Variants in C17orf75 observed in about 807,000 individuals in gnomAD.
The protein encoded by C17orf75 is chromosome 17 open reading frame 75.
Under a neutral mutation model 49.6 loss-of-function variants are expected in C17orf75, and 32 were observed. That is an observed-to-expected ratio of 0.65 (90% confidence interval 0.49 to 0.87). C17orf75 has a LOEUF of 0.87. C17orf75 is among the 40% of genes least tolerant of loss of function. The pLI, the probability that C17orf75 is intolerant of heterozygous loss-of-function variation, is 0.00. For missense variants in C17orf75, 428 were observed against 473.9 expected (o/e 0.90, Z 0.90); for synonymous variants, 158 against 159.5 (o/e 0.99, Z 0.07).
chr17:32,342,757 G>C (rs1229357913), upstream of C17orf75, among the ~76,000 whole-genome samples: 2 of 152,170 alleles, frequency 1.3e-5, no homozygotes. Flanking sequence ...GCAACATGGT[G>C]AAACTGTGTC....
chr17:32,340,503 G>A (rs888623043), intron 2 of C17orf75, among the ~76,000 whole-genome samples: 7 of 151,974 alleles, frequency 4.6e-5, no homozygotes, highest in Non-Finnish European at 7.4e-5. Context: ...AAATTAGCCG[G>A]GCGTGGTGGT....
chr17:32,349,452 G>A (rs1445722691), intron 1 of C17orf75, among the ~76,000 whole-genome samples: 1 of 151,980 alleles, frequency 6.6e-6, no homozygotes, highest in African/African-American at 2.4e-5. Flanking sequence ...TTGGTGGCGC[G>A]GGCCTGCAGT....
intron 1 of C17orf75, among the ~76,000 whole-genome samples, chr17:32,348,458 G>A (rs1478926552): frequency 6.6e-6 from 1 of 152,126 alleles, no homozygotes. Context: ...TCCTACCCCA[G>A]AGGCTGAGAC....
chr17:32,335,534 G>A, intron 5 of C17orf75, 92 bp from the exon 6 acceptor site: 1 of 1,437,970 alleles, frequency 7.0e-7, no homozygotes, highest in Non-Finnish European at 9.4e-7. Flanking sequence ...TGGTGAAAAA[G>A]ACCAGGATAG....
At position 32,331,158 on chromosome 17, in the gene C17orf75, A is replaced by G. The variant is rs1241704616; in HGVS notation, c.*605T>C. ...CCACTGCGCCCAGCTCAAAGATAAT[A>G]TTTTATCTTGAAGCTAGTGCATCGA... On this transcript the variant is annotated 3_prime_UTR_variant, in exon 10 of 10. Coordinates refer to ENST00000577809, the MANE Select transcript of C17orf75 (RefSeq NM_022344.4). 1 of 152,418 alleles carries G rather than the reference A, an allele frequency of 6.6e-6. No homozygotes were observed. The highest frequency in any genetic ancestry group is 2.4e-5 in the African/African-American group (1 of 41,422). The allele number at this position is 152,418 out of a possible 1,614,324, so 9.4% of individuals were successfully genotyped here.
upstream of C17orf75, chr17:32,342,197 AG>A: frequency 6.9e-7 from 1 of 1,457,078 alleles, no homozygotes. Context: ...GCTCCCGTGC[AG>A]CCGTCGGTAT....
intron 8 of C17orf75, among the ~76,000 whole-genome samples, chr17:32,334,022 T>C (rs1284906494): frequency 1.3e-5 from 2 of 152,252 alleles, no homozygotes; most frequent in Non-Finnish European, 2.9e-5. Flanking sequence ...TTAAAACTTT[T>C]ATGTATTTTT....
At chr17:32,337,774 C>T in intron 5 of C17orf75, 123 bp downstream of exon 5, 2 of 731,744 alleles carry the variant, frequency 2.7e-6, no homozygotes, top group Admixed American at 2.9e-5. Flanking sequence ...TCATATTGAC[C>T]AGGCTGGTCT....
At chr17:32,335,225 G>C (rs945754168) in intron 6 of C17orf75, 98 bp downstream of exon 6, 2 of 1,389,754 alleles carry the variant, frequency 1.4e-6, no homozygotes, top group East Asian at 4.6e-5. Flanking sequence ...TGAATATTTG[G>C]GGAGGGATGG....
chr17:32,348,865 G>GTATTTTTTTTT (rs1567807385), intron 1 of C17orf75, among the ~76,000 whole-genome samples: 1 of 49,506 alleles, frequency 2.0e-5, no homozygotes, highest in African/African-American at 9.9e-5. Flanking sequence ...GACAGCTCCA[G>GTATTTTTTTTT]TCTTTTTTTT....
chr17:32,334,986 C>T, intron 6 of C17orf75, 147 bp from the exon 7 acceptor site: 3 of 689,768 alleles, frequency 4.3e-6, no homozygotes, highest in Non-Finnish European at 7.0e-6. Flanking sequence ...CCTTGTTCAG[C>T]CACTGCTCAT....
chr17:32,338,392 C>T, intron 3 of C17orf75, 41 bp from the exon 4 acceptor site: 1 of 1,572,780 alleles, frequency 6.4e-7, no homozygotes, highest in Non-Finnish European at 8.6e-7. Context: ...ATTTTGGTTA[C>T]TCATGCATCT....
At chr17:32,345,686 C>T (rs766435833), upstream of C17orf75, among the ~76,000 whole-genome samples, 1 of 151,934 alleles carries the variant, frequency 6.6e-6, no homozygotes, top group East Asian at 1.9e-4. Context: ...AAGAATTAGG[C>T]GGGCGTGGTG....
upstream of C17orf75, among the ~76,000 whole-genome samples, chr17:32,344,339 TG>T (rs1316019144): frequency 3.9e-5 from 6 of 152,140 alleles, no homozygotes; most frequent in Admixed American, 3.9e-4. Flanking sequence ...ATACAGTGGC[TG>T]GGTGTGGTGG....
chr17:32,343,469 C>G (rs988850263), upstream of C17orf75: 5 of 235,806 alleles, frequency 2.1e-5, no homozygotes, highest in Non-Finnish European at 4.0e-5. Flanking sequence ...CAGTTGAGAT[C>G]GTTAAATCCC....
Position 32,331,779 on chromosome 17 carries a change from A to G in C17orf75, c.1175T>C (p.Leu392Pro). ...AACATATGATCAAAAACTTTGGTCAAGAGCTTCTTTCATGAATTCTTCAAG... is the reference window on the plus strand; with the variant it reads ...AACATATGATCAAAAACTTTGGTCAGGAGCTTCTTTCATGAATTCTTCAAG... ...AVLEEFMKEALDQSF is the reference protein window; with the variant it reads ...AVLEEFMKEAPDQSF The change falls in exon 10 of 10, where the codon CTT (leucine) becomes CCT (proline). Residue 392 changes from leucine to proline, a missense_variant. Physicochemically the swap from Leu to Pro is moderately conservative, Grantham distance 98. Coordinates refer to ENST00000577809, the MANE Select transcript of C17orf75 (RefSeq NM_022344.4). 6.2e-7 allele frequency: 1 copy of G among 1,613,534 alleles called. No individual in the cohort carries two copies. The highest frequency in any genetic ancestry group is 8.5e-7 in the Non-Finnish European group (1 of 1,179,530).
chr17:32,338,003 C>T, intron 4 of C17orf75, 49 bp from the exon 5 acceptor site: 1 of 1,544,602 alleles, frequency 6.5e-7, no homozygotes, highest in Non-Finnish European at 8.8e-7. Flanking sequence ...GACAGTATTT[C>T]ATCTCTCAAC....
At chr17:32,347,629 A>G (rs975404869) in intron 1 of C17orf75, among the ~76,000 whole-genome samples, 1 of 152,150 alleles carries the variant, frequency 6.6e-6, no homozygotes. Context: ...TCCAAGATCA[A>G]GGCACTAATA....
At position 32,328,843 on chromosome 17, in the gene C17orf75, T is replaced by C. The variant is rs1296625846; in HGVS notation, c.*2920A>G. 1 of 151,888 alleles carries C rather than the reference T, an allele frequency of 6.6e-6. No homozygotes were observed. The highest frequency in any genetic ancestry group is 2.4e-5 in the African/African-American group (1 of 41,360). The allele number at this position is 151,888 out of a possible 1,614,324, so 9.4% of individuals were successfully genotyped here. On this transcript the variant is annotated 3_prime_UTR_variant, in exon 10 of 10. Transcript: ENST00000577809. Reference sequence around the variant, plus strand: ...AGGCAGAGGTTGCAGTGAGCCAAGATTGCACCACCACACTCCAGCCTGGGT... The same window carrying C: ...AGGCAGAGGTTGCAGTGAGCCAAGACTGCACCACCACACTCCAGCCTGGGT...
Sources: gnomAD v4.1 joint callset for allele counts (sites outside exome capture counted in the v4.1 genomes callset) on GRCh38, gnomAD v4.1.1 for gene constraint, MANE v1.5 for transcripts, NCBI Gene and HGNC (gene_info 2026-07-23, HGNC 2026-07-21) for gene names.